NPAS3: variants seen among roughly 807,000 people sequenced by gnomAD.
NPAS3 encodes neuronal PAS domain protein 3.
Under a neutral mutation model 73.1 loss-of-function variants are expected in NPAS3, and 14 were observed. The observed-to-expected ratio is 0.19, with a 90% CI of 0.13 to 0.30. The LOEUF (loss-of-function observed/expected upper bound fraction) is 0.30, where lower values mean the gene tolerates loss of function less well. NPAS3 is among the 10% of genes least tolerant of loss of function. The probability of loss-of-function intolerance (pLI) is 1.00; values close to 1 mark genes in which losing one functional copy is unlikely to be tolerated. For missense variants in NPAS3, 1,096 were observed against 1,250.0 expected, an observed-to-expected ratio of 0.88 and a Z score of 1.86; for synonymous variants, 620 against 541.5, an observed-to-expected ratio of 1.14 and a Z score of -2.01.
At chr14:33,615,728 T>A (rs2057895532) in intron 5 of NPAS3, among the ~76,000 whole-genome samples, 1 of 152,158 alleles carries the variant, frequency 6.6e-6, no homozygotes, top group African/African-American at 2.4e-5. Flanking sequence ...TAGTACACGT[T>A]TAGATCTTGA....
chr14:33,629,599 T>G (rs576753697), intron 5 of NPAS3, among the ~76,000 whole-genome samples: 20 of 151,950 alleles, frequency 1.3e-4, no homozygotes, highest in Admixed American at 3.9e-4. Flanking sequence ...ACATTCCCTC[T>G]AGACTCTCAT....
chr14:33,225,715 A>C (rs1292029893), intron 3 of NPAS3, among the ~76,000 whole-genome samples: 1 of 152,176 alleles, frequency 6.6e-6, no homozygotes. Flanking sequence ...AGGACAATGC[A>C]TTCTTAGCTT....
intron 5 of NPAS3, among the ~76,000 whole-genome samples, chr14:33,633,698 T>C (rs901070423): frequency 6.6e-5 from 10 of 152,172 alleles, no homozygotes; most frequent in African/African-American, 2.4e-4. Flanking sequence ...TGAAACATTA[T>C]TGCCAGCAGT....
intron 2 of NPAS3, among the ~76,000 whole-genome samples, chr14:33,092,943 C>T (rs1446954443): frequency 2.0e-5 from 3 of 152,188 alleles, no homozygotes; most frequent in Non-Finnish European, 4.4e-5. Flanking sequence ...TGGATCCCTT[C>T]CTTACACCTT....
intron 3 of NPAS3, among the ~76,000 whole-genome samples, chr14:33,346,160 G>A (rs1210988638): frequency 1.3e-5 from 2 of 151,112 alleles, no homozygotes; most frequent in Non-Finnish European, 2.9e-5. Flanking sequence ...GGGAGGCAGA[G>A]GTTGCAGTGA....
chr14:33,645,750 T>TG (rs2058811535), intron 5 of NPAS3, among the ~76,000 whole-genome samples: 1 of 152,208 alleles, frequency 6.6e-6, no homozygotes, highest in Non-Finnish European at 1.5e-5. Flanking sequence ...GGTCTTGTCA[T>TG]CCTGTGTGCC....
chr14:33,403,587 G>C (rs367842067), intron 4 of NPAS3, among the ~76,000 whole-genome samples: 5 of 152,044 alleles, frequency 3.3e-5, no homozygotes, highest in Non-Finnish European at 7.4e-5. Flanking sequence ...GAGGTACATG[G>C]GGTTTGTATT....
At chr14:33,229,154 A>G (rs1403086232) in intron 3 of NPAS3, among the ~76,000 whole-genome samples, 2 of 152,170 alleles carry the variant, frequency 1.3e-5, no homozygotes, top group Non-Finnish European at 2.9e-5. Context: ...CAGACTACTC[A>G]TGCATATCTC....
chr14:33,584,320 G>T (rs536530840), intron 5 of NPAS3, among the ~76,000 whole-genome samples: 2 of 151,784 alleles, frequency 1.3e-5, no homozygotes, highest in African/African-American at 2.4e-5. Flanking sequence ...AAGAAACATT[G>T]TATGCAGCTG....
At chr14:33,651,990 G>A (rs1490259369) in intron 5 of NPAS3, among the ~76,000 whole-genome samples, 1 of 152,124 alleles carries the variant, frequency 6.6e-6, no homozygotes, top group Admixed American at 6.5e-5. Flanking sequence ...CCACATCCCA[G>A]CCCTGCCTTT....
At chr14:33,475,701 G>A (rs1292225332) in intron 4 of NPAS3, among the ~76,000 whole-genome samples, 1 of 152,144 alleles carries the variant, frequency 6.6e-6, no homozygotes, top group African/African-American at 2.4e-5. Context: ...AGCATTTCTA[G>A]TTCTGGTTTG....
chr14:33,803,658 AAC>A (rs1231576629), downstream of NPAS3: 1 of 151,996 alleles, frequency 6.6e-6, no homozygotes, highest in Non-Finnish European at 1.5e-5. Flanking sequence ...GATTTAAACT[AAC>A]AGATAATCAC....
At chr14:32,990,445 A>T (rs1363337639) in intron 1 of NPAS3, among the ~76,000 whole-genome samples, 1 of 152,206 alleles carries the variant, frequency 6.6e-6, no homozygotes, top group African/African-American at 2.4e-5. Context: ...TGATGTGACT[A>T]TACATAACTC....
intron 5 of NPAS3, among the ~76,000 whole-genome samples, chr14:33,631,766 T>C (rs187150151): frequency 2.7e-3 from 407 of 152,292 alleles, no homozygotes; most frequent in Non-Finnish European, 4.1e-3. Flanking sequence ...GGTCTTCCAC[T>C]GATATATTTA....
At chr14:33,642,776 C>G (rs1199488780) in intron 5 of NPAS3, among the ~76,000 whole-genome samples, 1 of 152,084 alleles carries the variant, frequency 6.6e-6, no homozygotes, top group Non-Finnish European at 1.5e-5. Flanking sequence ...GTCAGAGAAG[C>G]CTGGCTGAAC....
At chr14:33,257,406 C>T (rs898739344) in intron 3 of NPAS3, among the ~76,000 whole-genome samples, 9 of 152,120 alleles carry the variant, frequency 5.9e-5, no homozygotes, top group African/African-American at 2.2e-4. Context: ...TTCCCTTTCT[C>T]CCTGGACTTA....
intron 3 of NPAS3, among the ~76,000 whole-genome samples, chr14:33,261,482 T>C (rs75436188): frequency 0.033 from 4,960 of 152,122 alleles, 209 homozygotes; most frequent in East Asian, 0.22. Context: ...ATTTAAAAGA[T>C]AGTAACTCTT....
intron 6 of NPAS3, among the ~76,000 whole-genome samples, chr14:33,723,632 G>A (rs1042485563): frequency 6.6e-5 from 10 of 151,190 alleles, no homozygotes; most frequent in Non-Finnish European, 1.2e-4. Context: ...GTCCCTGTAT[G>A]AAGGAGAAGT....
At chr14:33,007,394 A>G (rs1480151204) in intron 1 of NPAS3, among the ~76,000 whole-genome samples, 1 of 152,202 alleles carries the variant, frequency 6.6e-6, no homozygotes, top group African/African-American at 2.4e-5. Flanking sequence ...TTGTATATAT[A>G]TGTTTTCAAA....
Sources: allele counts gnomAD v4.1 joint callset (sites outside exome capture counted in the v4.1 genomes callset), GRCh38; gene constraint gnomAD v4.1.1; transcripts MANE v1.5; gene names NCBI Gene and HGNC (gene_info 2026-07-23, HGNC 2026-07-21).